Variants in ZFTRAF1 observed in about 807,000 individuals in gnomAD.
ZFTRAF1 encodes zinc finger TRAF-type and ring finger containing 1.
chr8:144,458,145 G>C, the ZFTRAF1 span, among the ~76,000 whole-genome samples: 5 of 152,224 alleles, frequency 3.3e-5, no homozygotes, highest in Non-Finnish European at 5.9e-5. Context: ...GTTGTCCAAG[G>C]CCGCACAGCT....
the ZFTRAF1 span, among the ~76,000 whole-genome samples, chr8:144,458,141 C>T: frequency 2.0e-5 from 3 of 152,220 alleles, no homozygotes; most frequent in African/African-American, 7.2e-5. Flanking sequence ...GCACGTTGTC[C>T]AAGGCCGCAC....
At chr8:144,462,333 C>A in the ZFTRAF1 span, 1 of 516,690 alleles carries the variant, frequency 1.9e-6, no homozygotes, top group Middle Eastern at 4.9e-4. Flanking sequence ...CAGCACAGCA[C>A]CGAGTAGAGC....
the ZFTRAF1 span, chr8:144,452,334 T>C: frequency 2.6e-6 from 4 of 1,545,518 alleles, no homozygotes; most frequent in East Asian, 4.9e-5. Context: ...CTGTGTGGCA[T>C]GCAGCAGGCG....
chr8:144,462,388 C>A, the ZFTRAF1 span: 1 of 431,388 alleles, frequency 2.3e-6, no homozygotes, highest in Non-Finnish European at 4.1e-6. Context: ...CCGCCGCCGC[C>A]GCCTCGGCCG....
the ZFTRAF1 span, chr8:144,451,537 G>A: frequency 2.6e-3 from 395 of 153,592 alleles, 2 homozygotes; most frequent in Non-Finnish European, 1.6e-3. Flanking sequence ...CCCACATCCC[G>A]CTGGGCACAG....
chr8:144,455,172 A>AGG, the ZFTRAF1 span: 1 of 152,098 alleles, frequency 6.6e-6, no homozygotes, highest in Non-Finnish European at 1.5e-5. Context: ...AAAATTAGCC[A>AGG]TGCATGGTGG....
the ZFTRAF1 span, among the ~76,000 whole-genome samples, chr8:144,461,677 G>A: frequency 1.3e-5 from 2 of 152,302 alleles, no homozygotes; most frequent in Non-Finnish European, 2.9e-5. Context: ...GGGGCTTGTT[G>A]CAAATGGTTC....
chr8:144,461,925 C>A, the ZFTRAF1 span, among the ~76,000 whole-genome samples: 2 of 151,946 alleles, frequency 1.3e-5, no homozygotes, highest in Non-Finnish European at 2.9e-5. Flanking sequence ...CAGTTGCGGG[C>A]TAAGGATCAG....
chr8:144,452,506 C>A, the ZFTRAF1 span: 4 of 1,544,242 alleles, frequency 2.6e-6, no homozygotes, highest in Non-Finnish European at 3.5e-6. Context: ...GCCTCGTGCA[C>A]CGTCAGCTCA....
chr8:144,461,737 G>A, the ZFTRAF1 span, among the ~76,000 whole-genome samples: 2 of 152,172 alleles, frequency 1.3e-5, no homozygotes, highest in South Asian at 2.1e-4. Context: ...AGGATGAACT[G>A]GAAATGGACC....
chr8:144,459,780 C>T, the ZFTRAF1 span, among the ~76,000 whole-genome samples: 2 of 152,224 alleles, frequency 1.3e-5, no homozygotes, highest in Non-Finnish European at 1.5e-5. Context: ...CAGGGACTGT[C>T]TAAGTCAGCC....
the ZFTRAF1 span, chr8:144,449,833 CACAGATGGGGGCGGGGCA>C: frequency 6.1e-6 from 1 of 163,790 alleles, no homozygotes; most frequent in Non-Finnish European, 1.4e-5. Flanking sequence ...TGTGCGGGCA[CACAGATGGGGGCGGGGCA>C]GGCTCTGACC....
chr8:144,452,257 C>A, the ZFTRAF1 span: 1 of 1,315,102 alleles, frequency 7.6e-7, no homozygotes. Flanking sequence ...CTGTCCGGCG[C>A]TGTCAGTGCC....
the ZFTRAF1 span, chr8:144,452,055 G>T: frequency 4.5e-6 from 2 of 442,866 alleles, no homozygotes; most frequent in African/African-American, 4.0e-5. Context: ...TGAGGCTCTG[G>T]AGCCCCACAG....
the ZFTRAF1 span, among the ~76,000 whole-genome samples, chr8:144,461,706 C>T: frequency 3.3e-5 from 5 of 152,172 alleles, no homozygotes; most frequent in Non-Finnish European, 7.3e-5. Context: ...AAACAGCAAT[C>T]CCCTCTCCTT....
At chr8:144,452,205 C>T in the ZFTRAF1 span, 62 of 862,378 alleles carry the variant, frequency 7.2e-5, no homozygotes, top group Middle Eastern at 4.2e-4. Flanking sequence ...TCTTCTCGAC[C>T]GAGGTGTCCA....
At chr8:144,453,680 T>C in the ZFTRAF1 span, 4 of 551,488 alleles carry the variant, frequency 7.3e-6, no homozygotes, top group Non-Finnish European at 1.3e-5. Context: ...AGATTAGAGG[T>C]CCTAAAAGCA....
At chr8:144,452,287 C>T in the ZFTRAF1 span, 2 of 1,487,182 alleles carry the variant, frequency 1.3e-6, no homozygotes, top group Non-Finnish European at 1.8e-6. Context: ...GAGCCTGCTG[C>T]CCCCAGACTC....
the ZFTRAF1 span, chr8:144,452,496 G>A: frequency 1.3e-6 from 2 of 1,545,482 alleles, no homozygotes; most frequent in Middle Eastern, 1.7e-4. Flanking sequence ...GGCGCACGCA[G>A]CCTCGTGCAC....
Sources: gnomAD v4.1 joint callset for allele counts (sites outside exome capture counted in the v4.1 genomes callset) on GRCh38, gnomAD v4.1.1 for gene constraint, MANE v1.5 for transcripts, NCBI Gene and HGNC (gene_info 2026-07-23, HGNC 2026-07-21) for gene names.